Variants in MYO10 observed in about 807,000 individuals in gnomAD.
MYO10 encodes unconventional myosin-X.
In MYO10, 133 loss-of-function variants were observed where a neutral mutation model predicts 257.3. That is an observed-to-expected ratio of 0.52 (90% CI 0.45 to 0.60). The LOEUF (loss-of-function observed/expected upper bound fraction) is 0.60. Among genes scored for constraint, MYO10 ranks in the 20% least tolerant of loss-of-function variants. The pLI is 0.00. For missense variants in MYO10, 2,399 were observed against 2,635.7 expected (o/e 0.91, Z 1.97); for synonymous variants, 1,104 against 1,028.6 (o/e 1.07, Z -1.40).
At chr5:16,932,821 G>C (rs1302075874) in intron 1 of MYO10, among the ~76,000 whole-genome samples, 1 of 152,176 alleles carries the variant, frequency 6.6e-6, no homozygotes, top group African/African-American at 2.4e-5. Flanking sequence ...CACAGGGTCT[G>C]TTGCTCTGGA....
Position 16,694,417 on chromosome 5 carries a change from C to T in MYO10, c.3754G>A (p.Asp1252Asn), listed in dbSNP as rs947271837. 3 of 1,614,016 alleles carry T rather than the reference C, an allele frequency of 1.9e-6. No individual in the cohort carries two copies. The highest frequency in any genetic ancestry group is 1.3e-5 in the African/African-American group (1 of 75,060). Reference sequence around the variant, plus strand: ...GTGCCCTTGAGCTTCTCCTCGCTGTCGTTTTCAAAGTACATCAGCTTGGAC... The same window carrying T: ...GTGCCCTTGAGCTTCTCCTCGCTGTTGTTTTCAAAGTACATCAGCTTGGAC... ...RQSKLMYFEN[D>N]SEEKLKGTVE... The change falls in exon 27 of 41, where the codon GAC becomes AAC. Residue 1252 changes from aspartate (D) to asparagine (N), a missense_variant. Physicochemically the swap from Asp to Asn is conservative, Grantham distance 23 (BLOSUM62 1). Transcript: ENST00000513610.
intron 19 of MYO10, among the ~76,000 whole-genome samples, chr5:16,724,567 A>AT (rs35045821): frequency 4.0e-5 from 6 of 150,392 alleles, no homozygotes; most frequent in African/African-American, 9.7e-5. Context: ...ATACCCAGTT[A>AT]TTTTTTTTTA....
intron 4 of MYO10, among the ~76,000 whole-genome samples, chr5:16,792,592 G>T (rs796977701): frequency 3.0e-5 from 2 of 65,764 alleles, no homozygotes; most frequent in Admixed American, 1.7e-4. Flanking sequence ...GCGGGGGGCG[G>T]GGGGCTGCTC....
intron 19 of MYO10, among the ~76,000 whole-genome samples, chr5:16,736,921 A>T (rs1739827975): frequency 6.6e-6 from 1 of 152,160 alleles, no homozygotes; most frequent in Admixed American, 6.5e-5. Context: ...TGTTATAATA[A>T]CCATATTTAA....
At position 16,671,446 on chromosome 5, in the gene MYO10, C is replaced by A. The variant is rs1439698847; in HGVS notation, c.5406G>T (p.Val1802=). The A allele has an allele frequency of 6.2e-7, 1 of 1,613,968 alleles. No individual in the cohort carries two copies. Among genetic ancestry groups the A allele is most frequent in the Non-Finnish European group, 8.5e-7 (1 of 1,179,866 alleles). Residue 1802 remains valine (V), a synonymous_variant, in exon 38 of 41, where the codon GTG becomes GTT. Transcript: ENST00000513610. ...CCTGTTCAAACATAAATGCAAACTC[C>A]ACACTGTCTTTTGGCACGTTGTCTG... is the stretch of plus-strand genomic sequence containing the variant. ...LDTDNVPKDS[V]EFAFMFEQAH...
chr5:16,818,381 C>CGTGTGT (rs66684462), intron 2 of MYO10, among the ~76,000 whole-genome samples: 6 of 134,012 alleles, frequency 4.5e-5, no homozygotes, highest in African/African-American at 1.5e-4. Flanking sequence ...TGTGTGTGTG[C>CGTGTGT]GTGTGTGTGT....
chr5:16,926,846 GATTT>G (rs1364271759), intron 1 of MYO10, among the ~76,000 whole-genome samples: 1 of 152,074 alleles, frequency 6.6e-6, no homozygotes, highest in Non-Finnish European at 1.5e-5. Context: ...CAAAAAAATA[GATTT>G]ATGAAAAATA....
At position 16,667,466 on chromosome 5, in the gene MYO10, G is replaced by C. The variant is rs188487497; in HGVS notation, c.6076-673C>G. 2.9e-4 allele frequency among the ~76,000 whole-genome samples: 44 copies of C among 152,238 alleles called. 1 individual carries two copies. The highest frequency in any genetic ancestry group is 9.4e-4 in the African/African-American group (39 of 41,548). ...AGTCCCACCCCAGAGATCACTGTCTGTAAATTCACTGTTATGCCATGCACA... is the reference window on the plus strand; with the variant it reads ...AGTCCCACCCCAGAGATCACTGTCTCTAAATTCACTGTTATGCCATGCACA... On this transcript the variant is annotated intron_variant, in intron 40 of 40. Coordinates refer to ENST00000513610, the MANE Select transcript of MYO10 (RefSeq NM_012334.3).
At chr5:16,822,086 T>C (rs940527261) in intron 2 of MYO10, among the ~76,000 whole-genome samples, 2 of 152,074 alleles carry the variant, frequency 1.3e-5, no homozygotes, top group Non-Finnish European at 2.9e-5. Flanking sequence ...CTTAGAACAT[T>C]GTCTGGCATT....
intron 19 of MYO10, among the ~76,000 whole-genome samples, chr5:16,727,357 A>C (rs1739410415): frequency 1.3e-5 from 2 of 152,102 alleles, no homozygotes; most frequent in African/African-American, 4.8e-5. Context: ...ATTTGATTAC[A>C]ATTTTGTTTG....
chr5:16,889,478 A>AGAAGGAAGGAAGGAAGGAAGGAAG (rs151266743), intron 1 of MYO10, among the ~76,000 whole-genome samples: 1 of 131,884 alleles, frequency 7.6e-6, no homozygotes, highest in Non-Finnish European at 1.6e-5. Flanking sequence ...AAGAAAAGAA[A>AGAAGGAAGGAAGGAAGGAAGGAAG]GAAGGAAGGA....
At chr5:16,932,656 G>A (rs1042446062) in intron 1 of MYO10, among the ~76,000 whole-genome samples, 1 of 152,184 alleles carries the variant, frequency 6.6e-6, no homozygotes, top group Admixed American at 6.5e-5. Context: ...AATGTGGCAT[G>A]CTCAGTTTCT....
intron 37 of MYO10, among the ~76,000 whole-genome samples, chr5:16,671,914 G>A (rs1413558015): frequency 6.6e-6 from 1 of 152,168 alleles, no homozygotes; most frequent in Non-Finnish European, 1.5e-5. Context: ...AAAAATTGAT[G>A]TGAATACTCT....
chr5:16,895,181 G>A (rs1203442485), intron 1 of MYO10, among the ~76,000 whole-genome samples: 1 of 152,200 alleles, frequency 6.6e-6, no homozygotes, highest in Admixed American at 6.5e-5. Context: ...CATTTTGAAG[G>A]ATCCATTTTT....
rs186282460 is a variant in MYO10 at position 16,681,053 on chromosome 5, T to C, written c.4384+256A>G. Among the ~76,000 whole-genome samples, 831 of 152,300 alleles carry C rather than the reference T, an allele frequency of 5.5e-3. 6 individuals are homozygous for C. Among genetic ancestry groups the C allele is most frequent in the Non-Finnish European group, 6.9e-3 (472 of 68,030 alleles). On this transcript the variant is annotated intron_variant, in intron 32 of 40. Coordinates refer to ENST00000513610, the MANE Select transcript of MYO10 (RefSeq NM_012334.3). ...CAGTATATGAAAACCAAGCTTCCCG[T>C]ACGATGCCCTGCATCTGTTGACATT...
chr5:16,889,499 G>A (rs10068948), intron 1 of MYO10, among the ~76,000 whole-genome samples: 2 of 54,350 alleles, frequency 3.7e-5, no homozygotes, highest in African/African-American at 1.3e-4. Context: ...AGGAAGGAAG[G>A]AAGGAAGGAA....
chr5:16,672,914 A>AG, intron 36 of MYO10, 89 bp from the exon 37 acceptor site: 14 of 1,459,530 alleles, frequency 9.6e-6, no homozygotes, highest in Non-Finnish European at 1.3e-5. Context: ...TCCCAGAGGG[A>AG]GCTGCTGGCA....
At position 16,701,131 on chromosome 5, in the gene MYO10, G is replaced by A; in HGVS notation, c.3264C>T (p.Asp1088=). The A allele has an allele frequency of 6.3e-7, 1 of 1,597,490 alleles. No individual in the cohort carries two copies. The highest frequency in any genetic ancestry group is 8.5e-7 in the Non-Finnish European group (1 of 1,172,354). Residue 1088 remains aspartate (D), a synonymous_variant, in exon 25 of 41, where the codon GAC becomes GAT. Coordinates refer to ENST00000513610, the MANE Select transcript of MYO10 (RefSeq NM_012334.3). This position sits in a 1 kb window ranked among gnomAD's most constrained non-coding sequence, Gnocchi z 8.1. ...NAGDLPSPDG[D]YDYDQDDYED... ...CATAGTCATCCTGGTCGTAGTCGTAGTCGCCGTCTGGGGAGGGCAAGTCCC... is the reference window on the plus strand; with the variant it reads ...CATAGTCATCCTGGTCGTAGTCGTAATCGCCGTCTGGGGAGGGCAAGTCCC...
At chr5:16,763,109 A>G (rs1253861072) in intron 14 of MYO10, among the ~76,000 whole-genome samples, 2 of 152,200 alleles carry the variant, frequency 1.3e-5, no homozygotes, top group East Asian at 3.8e-4. Flanking sequence ...CACTATAGAG[A>G]AAACCAATTA....
Sources: allele counts gnomAD v4.1 joint callset (sites outside exome capture counted in the v4.1 genomes callset), GRCh38; gene constraint gnomAD v4.1.1; non-coding constraint Gnocchi (gnomAD v3.1); transcripts MANE v1.5; gene names NCBI Gene and HGNC (gene_info 2026-07-23, HGNC 2026-07-21).